Variants in ITPR2 observed in about 807,000 individuals in gnomAD.
ITPR2 encodes inositol 1,4,5-trisphosphate receptor type 2.
ITPR2 carries 207 observed loss-of-function variants against 317.1 expected under a neutral mutation model. That is an observed-to-expected ratio of 0.65 (90% CI 0.58 to 0.73). The LOEUF (loss-of-function observed/expected upper bound fraction) is 0.73, where lower values mean the gene tolerates loss of function less well. Among genes scored for constraint, ITPR2 ranks in the 30% least tolerant of loss-of-function variants. ITPR2 has a pLI of 0.00. For synonymous variants in ITPR2, 1,156 were observed against 1,149.1 expected (o/e 1.01, Z -0.12); for missense variants, 2,613 against 3,284.0 (o/e 0.80, Z 4.99).
intron 13 of ITPR2, among the ~76,000 whole-genome samples, chr12:26,673,207 A>G (rs1444105523): frequency 6.6e-6 from 1 of 152,234 alleles, no homozygotes; most frequent in Admixed American, 6.5e-5. Context: ...GGCCAGCATC[A>G]TCCTGATACC....
chr12:26,475,319 T>A lies in ITPR2; in HGVS notation c.6319A>T (p.Asn2107Tyr). ...ACCTGATGGGCCAGAATATAGATAT[T>A]GTGTCCAACATCTTTTGGAGAAACA... Reference protein sequence around the residue: ...DGVSPKDVGHNIYILAHQLAR... With the variant: ...DGVSPKDVGHYIYILAHQLAR... The change falls in exon 45 of 57, where the codon AAT becomes TAT. Residue 2107 changes from asparagine to tyrosine, a missense_variant. By Grantham distance (143) the Asn-to-Tyr change is moderately radical. Coordinates refer to ENST00000381340, the MANE Select transcript of ITPR2 (RefSeq NM_002223.4). 1 of 1,614,060 alleles carries A rather than the reference T, an allele frequency of 6.2e-7. No individual in the cohort carries two copies. The highest frequency in any genetic ancestry group is 8.5e-7 in the Non-Finnish European group (1 of 1,179,956).
chr12:26,403,019 G>A (rs1433446416), intron 52 of ITPR2, among the ~76,000 whole-genome samples: 1 of 152,216 alleles, frequency 6.6e-6, no homozygotes, highest in East Asian at 1.9e-4. Flanking sequence ...CAGTATCACA[G>A]GATGCTGCGG....
At chr12:26,549,804 T>C in intron 37 of ITPR2, among the ~76,000 whole-genome samples, 1 of 152,080 alleles carries the variant, frequency 6.6e-6, no homozygotes, top group East Asian at 1.9e-4. Context: ...AGTATTATTT[T>C]ATAAAACTTG....
At chr12:26,624,202 A>G (rs1946565006) in intron 24 of ITPR2, 97 bp downstream of exon 24, 2 of 833,958 alleles carry the variant, frequency 2.4e-6, no homozygotes, top group South Asian at 3.3e-5. Context: ...GGGTCTAAAA[A>G]TAAATAGATA....
Position 26,351,681 on chromosome 12 carries a change from C to T in ITPR2, c.7858-11353G>A, listed in dbSNP as rs79032855. 7.2e-3 allele frequency among the ~76,000 whole-genome samples: 1,097 copies of T among 152,176 alleles called. 15 individuals are homozygous for T. Among genetic ancestry groups the T allele is most frequent in the African/African-American group, 0.025 (1,052 of 41,516 alleles). On this transcript the variant is annotated intron_variant, in intron 55 of 56. Transcript: ENST00000381340. Reference sequence around the variant, plus strand: ...AAAAAGGAAGAGACTGTTGGGGACACCAGCAACCCAAGGTCCTACCAGTGG... The same window carrying T: ...AAAAAGGAAGAGACTGTTGGGGACATCAGCAACCCAAGGTCCTACCAGTGG...
At chr12:26,827,836 C>T (rs754506921) in intron 1 of ITPR2, among the ~76,000 whole-genome samples, 1 of 152,098 alleles carries the variant, frequency 6.6e-6, no homozygotes, top group East Asian at 1.9e-4. Flanking sequence ...TCCCCCGTTG[C>T]GTTTTTAATA....
At chr12:26,556,093 G>C in intron 36 of ITPR2, 140 bp downstream of exon 36, 1 of 638,422 alleles carries the variant, frequency 1.6e-6, no homozygotes, top group African/African-American at 1.9e-5. Context: ...AATTATTCTG[G>C]CAGTATATTT....
chr12:26,510,021 G>C (rs1015509401), intron 37 of ITPR2, among the ~76,000 whole-genome samples: 2 of 136,992 alleles, frequency 1.5e-5, no homozygotes, highest in African/African-American at 5.2e-5. Flanking sequence ...GGTGGGGGTG[G>C]GGAGAGAAGG....
rs1489641043 is a variant in ITPR2 at position 26,665,972 on chromosome 12, C to A, written c.1489G>T (p.Val497Phe). The A allele has an allele frequency of 1.7e-5, 27 of 1,613,714 alleles. No homozygotes were observed. The highest frequency in any genetic ancestry group is 1.9e-5 in the Non-Finnish European group (23 of 1,179,784). ...PNNGQEVLDV[V>F]ITKPNRERQK... is the part of the protein sequence containing the mutation. ...CGCTCTCGGTTTGGCTTAGTGATAA[C>A]CACATCCAGAACTTCTTGTCCATTA... Residue 497 changes from valine (V) to phenylalanine (F), a missense_variant, in exon 14 of 57, where the codon GTT becomes TTT. Coordinates refer to ENST00000381340, the MANE Select transcript of ITPR2 (RefSeq NM_002223.4).
At chr12:26,773,847 G>C (rs1439150469) in intron 2 of ITPR2, among the ~76,000 whole-genome samples, 1 of 152,132 alleles carries the variant, frequency 6.6e-6, no homozygotes, top group Non-Finnish European at 1.5e-5. Context: ...ACCTCATGGA[G>C]GAGAGTAAAC....
At chr12:26,649,635 A>G (rs1207678004) in intron 21 of ITPR2, among the ~76,000 whole-genome samples, 2 of 152,220 alleles carry the variant, frequency 1.3e-5, no homozygotes, top group African/African-American at 4.8e-5. Flanking sequence ...GATCATATCA[A>G]TCCCTTCTCA....
At chr12:26,730,861 G>A (rs944499814) in intron 2 of ITPR2, among the ~76,000 whole-genome samples, 8 of 152,148 alleles carry the variant, frequency 5.3e-5, no homozygotes, top group South Asian at 2.1e-4. Context: ...CCCACAGCAC[G>A]TTAACACTGT....
intron 2 of ITPR2, among the ~76,000 whole-genome samples, chr12:26,782,068 A>AGC (rs1950105937): frequency 5.1e-5 from 7 of 137,720 alleles, no homozygotes; most frequent in African/African-American, 1.4e-4. Context: ...AGAGAGAGAG[A>AGC]GAGAGCGAGA....
chr12:26,551,901 G>C (rs1944533682), intron 36 of ITPR2, among the ~76,000 whole-genome samples: 1 of 152,196 alleles, frequency 6.6e-6, no homozygotes, highest in Non-Finnish European at 1.5e-5. Context: ...TTAACCTCAA[G>C]AGTCTGGAAT....
At chr12:26,525,224 A>T (rs1943780222) in intron 37 of ITPR2, among the ~76,000 whole-genome samples, 1 of 152,336 alleles carries the variant, frequency 6.6e-6, no homozygotes, top group Non-Finnish European at 1.5e-5. Flanking sequence ...GAGCTACTCT[A>T]ATATCCCTGC....
At chr12:26,458,078 G>T (rs762936959) in intron 45 of ITPR2, among the ~76,000 whole-genome samples, 8 of 152,180 alleles carry the variant, frequency 5.3e-5, no homozygotes, top group African/African-American at 1.7e-4. Flanking sequence ...GACAGGATCA[G>T]CTGACCTTTC....
intron 55 of ITPR2, among the ~76,000 whole-genome samples, chr12:26,366,392 T>C (rs1309809079): frequency 1.3e-5 from 2 of 152,222 alleles, no homozygotes; most frequent in Non-Finnish European, 2.9e-5. Context: ...TTCCAGAAAG[T>C]AGCTTCAGAT....
intron 9 of ITPR2, among the ~76,000 whole-genome samples, chr12:26,700,528 G>A (rs998406784): frequency 3.9e-5 from 6 of 152,208 alleles, no homozygotes; most frequent in Admixed American, 3.3e-4. Context: ...TCACACCGCT[G>A]GGGAGTGGCA....
intron 1 of ITPR2, among the ~76,000 whole-genome samples, chr12:26,810,477 C>T (rs1166582981): frequency 6.6e-6 from 1 of 152,222 alleles, no homozygotes; most frequent in Non-Finnish European, 1.5e-5. Flanking sequence ...AGACATTCAG[C>T]CTCCCTTCCT....
Sources: allele counts gnomAD v4.1 joint callset (sites outside exome capture counted in the v4.1 genomes callset), GRCh38; gene constraint gnomAD v4.1.1; transcripts MANE v1.5; gene names NCBI Gene and HGNC (gene_info 2026-07-23, HGNC 2026-07-21).